Variants in IMPG1 observed in about 807,000 individuals in gnomAD.
IMPG1 encodes the protein interphotoreceptor matrix proteoglycan of 150 kDa.
A neutral mutation model predicts 92.0 loss-of-function variants in IMPG1; 85 were observed. That is an observed-to-expected ratio of 0.92 (90% confidence interval 0.78 to 1.11). The LOEUF (loss-of-function observed/expected upper bound fraction) is 1.11, where lower values mean the gene tolerates loss of function less well. IMPG1 is among the 50% of genes least tolerant of loss of function. The pLI, the probability that IMPG1 is intolerant of heterozygous loss-of-function variation, is 0.00. For missense variants in IMPG1, 1,022 were observed against 956.0 expected, an observed-to-expected ratio of 1.07 and a Z score of -0.91; for synonymous variants, 367 against 334.1, an observed-to-expected ratio of 1.10 and a Z score of -1.08.
At chr6:76,034,560 G>A in intron 3 of IMPG1, 61 bp downstream of exon 3, 2 of 1,559,082 alleles carry the variant, frequency 1.3e-6, no homozygotes, top group Non-Finnish European at 1.8e-6. Context: ...AAGGCCTAGG[G>A]GCTGGAGCCT....
chr6:76,046,869 A>C lies in IMPG1; in HGVS notation c.68-4743T>G, dbSNP rs530302704. ...TTCCTTACCCCCCTTTTCTTTTAGT[A>C]AGATCTCTAAAGCTTTATTCAAAAT... On this transcript the variant is annotated intron_variant, in intron 1 of 16. Transcript: ENST00000369950. 2.5e-4 allele frequency among the ~76,000 whole-genome samples: 38 copies of C among 152,290 alleles called. 1 individual carries two copies. Among genetic ancestry groups the C allele is most frequent in the Admixed American group, 1.6e-3 (24 of 15,288 alleles).
chr6:75,989,826 T>C (rs1374647288), intron 12 of IMPG1, among the ~76,000 whole-genome samples: 1 of 152,134 alleles, frequency 6.6e-6, no homozygotes, highest in South Asian at 2.1e-4. Context: ...CTGGGTGCCA[T>C]AGCGAGACTT....
At chr6:76,035,771 A>G (rs1471251016) in intron 2 of IMPG1, among the ~76,000 whole-genome samples, 1 of 152,048 alleles carries the variant, frequency 6.6e-6, no homozygotes, top group Non-Finnish European at 1.5e-5. Flanking sequence ...CCATTCATCC[A>G]TCCCTATTCT....
At chr6:75,961,543 A>C (rs903883460) in intron 12 of IMPG1, among the ~76,000 whole-genome samples, 1 of 152,160 alleles carries the variant, frequency 6.6e-6, no homozygotes, top group Non-Finnish European at 1.5e-5. Flanking sequence ...CAAAACAAAA[A>C]CCAAAACAAT....
At position 76,034,695 on chromosome 6, in the gene IMPG1, G is replaced by T. The variant is rs779965132; in HGVS notation, c.394C>A (p.Gln132Lys). ...ATGTCAAAGAGGCAGAAGGTCTCCT[G>T]CTGGCAGATGCTGACCCAGTCCTGA... ...EYQDWVSICQ[Q>K]ETFCLFDIGK... The change falls in exon 3 of 17, where the codon CAG becomes AAG. Residue 132 changes from glutamine to lysine, a missense_variant. This residue lies in a region of IMPG1 where 681 missense variants were observed against 583.6 expected (regional missense o/e 1.17). Coordinates refer to ENST00000369950, the MANE Select transcript of IMPG1 (RefSeq NM_001563.4). The T allele has an allele frequency of 2.5e-6, 4 of 1,613,998 alleles. No homozygotes were observed. Among genetic ancestry groups the T allele is most frequent in the Non-Finnish European group, 3.4e-6 (4 of 1,180,004 alleles).
intron 12 of IMPG1, among the ~76,000 whole-genome samples, chr6:75,958,701 C>T (rs573149152): frequency 3.5e-4 from 54 of 152,166 alleles, no homozygotes; most frequent in African/African-American, 1.2e-3. Context: ...ACGAAGTTCT[C>T]GTGCTGTTTT....
chr6:75,990,588 T>TACAC (rs112985372), intron 12 of IMPG1, among the ~76,000 whole-genome samples: 10,415 of 144,934 alleles, frequency 0.072, 447 homozygotes, highest in African/African-American at 0.13. Flanking sequence ...ACCCCACCTC[T>TACAC]ACACACACAC....
chr6:75,943,827 C>T (rs1781876310), intron 14 of IMPG1, among the ~76,000 whole-genome samples: 1 of 152,194 alleles, frequency 6.6e-6, no homozygotes. Context: ...TCAGTGCCCT[C>T]TTCATTATGG....
intron 12 of IMPG1, among the ~76,000 whole-genome samples, chr6:75,980,629 A>G (rs1328140131): frequency 6.6e-6 from 1 of 152,164 alleles, no homozygotes; most frequent in Non-Finnish European, 1.5e-5. Flanking sequence ...TTCTGCCCTT[A>G]AACATCAGAC....
intron 2 of IMPG1, among the ~76,000 whole-genome samples, chr6:76,039,201 G>A (rs1189730222): frequency 6.6e-6 from 1 of 152,204 alleles, no homozygotes; most frequent in African/African-American, 2.4e-5. Context: ...CTGACAGTAG[G>A]TCTGGGGTGG....
chr6:76,030,955 C>T (rs1227848442), intron 4 of IMPG1, among the ~76,000 whole-genome samples: 1 of 152,044 alleles, frequency 6.6e-6, no homozygotes, highest in Non-Finnish European at 1.5e-5. Flanking sequence ...GGCCCATCCT[C>T]GTTTGGTGCG....
intron 10 of IMPG1, among the ~76,000 whole-genome samples, chr6:76,004,571 A>G (rs1191337092): frequency 6.6e-6 from 1 of 152,172 alleles, no homozygotes; most frequent in Non-Finnish European, 1.5e-5. Flanking sequence ...TTGTACTAAA[A>G]TGGCATTTCC....
chr6:75,967,188 T>A (rs529043107), intron 12 of IMPG1, among the ~76,000 whole-genome samples: 31 of 151,574 alleles, frequency 2.0e-4, no homozygotes, highest in Non-Finnish European at 3.4e-4. Flanking sequence ...AAAAAAAAAA[T>A]GGAATTTAGA....
At chr6:76,030,798 C>T (rs1165051097) in intron 4 of IMPG1, among the ~76,000 whole-genome samples, 1 of 152,198 alleles carries the variant, frequency 6.6e-6, no homozygotes, top group African/African-American at 2.4e-5. Context: ...TGTCTTTATT[C>T]TTAATCCAAC....
At chr6:75,926,379 A>G (rs1225255007) in intron 15 of IMPG1, among the ~76,000 whole-genome samples, 1 of 152,200 alleles carries the variant, frequency 6.6e-6, no homozygotes, top group Non-Finnish European at 1.5e-5. Context: ...AGTTGGTAAC[A>G]ACTATCCAGA....
intron 7 of IMPG1, among the ~76,000 whole-genome samples, chr6:76,014,221 C>T (rs1783243310): frequency 6.6e-6 from 1 of 152,218 alleles, no homozygotes; most frequent in Admixed American, 6.5e-5. Context: ...TTATTCTCTA[C>T]TTCTCCTGCT....
chr6:75,954,419 A>T (rs1275708202), intron 12 of IMPG1, among the ~76,000 whole-genome samples: 1 of 152,098 alleles, frequency 6.6e-6, no homozygotes, highest in African/African-American at 2.4e-5. Context: ...TCCTTTTCAG[A>T]AGTGTCTGTT....
rs1435701948 is a variant in IMPG1 at position 75,965,791 on chromosome 6, TAG to T, written c.1292-14699_1292-14698del. Among the ~76,000 whole-genome samples the T allele has an allele frequency of 2.0e-5, 3 of 151,934 alleles. No homozygotes were observed. The East Asian group carries it at 5.8e-4, about 29-fold the overall frequency. The stretch of plus-strand genomic sequence containing the variant: ...CCCAGCTAATTTTTTGTATTTTTAG[TAG>T]AGACAGGGTTTCACCGTGTTAGCCA... On this transcript the variant is annotated intron_variant, in intron 12 of 16. Transcript: ENST00000369950.
At chr6:75,985,262 A>C (rs1172953975) in intron 12 of IMPG1, among the ~76,000 whole-genome samples, 4 of 152,340 alleles carry the variant, frequency 2.6e-5, no homozygotes, top group South Asian at 2.1e-4. Flanking sequence ...CAACTAAGGA[A>C]GGGAACCTTC....
Sources: allele counts gnomAD v4.1 joint callset (sites outside exome capture counted in the v4.1 genomes callset), GRCh38; gene constraint gnomAD v4.1.1; regional missense constraint gnomAD v4.1.1; transcripts MANE v1.5; gene names NCBI Gene and HGNC (gene_info 2026-07-23, HGNC 2026-07-21).